MACF1: variants seen among roughly 807,000 people sequenced by gnomAD.
MACF1 encodes the protein microtubule-actin cross-linking factor 1.
In MACF1, 193 loss-of-function variants were observed where a neutral mutation model predicts 854.8. The observed-to-expected ratio is 0.23, with a 90% CI of 0.20 to 0.25. MACF1 has a LOEUF of 0.25. Ranked by LOEUF, MACF1 falls within the 10% of genes least tolerant of loss-of-function variation. The pLI, the probability that MACF1 is intolerant of heterozygous loss-of-function variation, is 1.00. For missense variants in MACF1, 7,722 were observed against 8,929.1 expected (o/e 0.86, Z 5.45); for synonymous variants, 3,185 against 3,226.7 (o/e 0.99, Z 0.44).
intron 55 of MACF1, among the ~76,000 whole-genome samples, chr1:39,380,920 A>T (rs943015981): frequency 6.6e-6 from 1 of 152,182 alleles, no homozygotes; most frequent in African/African-American, 2.4e-5. Context: ...TCCAAAAAAA[A>T]CGTAACAAAA....
chr1:39,288,584 G>C (rs929203954), intron 15 of MACF1, among the ~76,000 whole-genome samples: 2 of 151,948 alleles, frequency 1.3e-5, no homozygotes, highest in Admixed American at 1.3e-4. Flanking sequence ...CGGATTGTGT[G>C]AGTCCAGGAG....
At chr1:39,412,912 A>G (rs778416857) in intron 58 of MACF1, 2 of 1,607,976 alleles carry the variant, frequency 1.2e-6, no homozygotes, top group Non-Finnish European at 8.5e-7. Context: ...ACATGAGGAC[A>G]TCCTAGTTGC....
rs1362049025 is a variant in MACF1, at chr1:39,296,751, A to AAAGAAAGGAAGG, written c.2356-866_2356-865insAAAGGAAGGAAG. Reference sequence around the variant, plus strand: ...AATAAAAAGAAAGAAAGAAAGAAAGAAAGGAAGGAAGGAAGGAAGGAAAAG... The same window carrying AAAGAAAGGAAGG: ...AATAAAAAGAAAGAAAGAAAGAAAGAAAGAAAGGAAGGAAGGAAGGAAGGAAGGAAGGAAAAG... On this transcript the variant is annotated intron_variant, in intron 20 of 100. Transcript: ENST00000564288. 8.0e-4 allele frequency among the ~76,000 whole-genome samples: 75 copies of AAAGAAAGGAAGG among 93,712 alleles called. 1 individual carries two copies. The highest frequency in any genetic ancestry group is 3.3e-3 in the African/African-American group (73 of 22,252). The allele number at this position is 93,712 out of a possible 152,430, so 61.5% of individuals were successfully genotyped here. A position where few individuals can be genotyped will look rare whatever the true frequency, so the allele number is the denominator to read the frequency against.
intron 69 of MACF1, 127 bp downstream of exon 69, chr1:39,434,759 A>G: frequency 1.4e-6 from 1 of 724,114 alleles, no homozygotes; most frequent in East Asian, 2.7e-5. Flanking sequence ...ATCAGTTAGA[A>G]TTCCTTTCAT....
intron 2 of MACF1, among the ~76,000 whole-genome samples, chr1:39,190,401 GTTTTTTT>G: frequency 9.4e-6 from 1 of 105,988 alleles, no homozygotes; most frequent in Non-Finnish European, 1.7e-5. Context: ...GTTTGTTTTT[GTTTTTTT>G]TTTTTTTTTT....
chr1:39,297,537 A>G lies in MACF1; in HGVS notation c.2356-83A>G, dbSNP rs577811792. ...TGTAATCAGCTTTGCTAAGCTCTGC[A>G]CAGTAAAATTGTTCTTTCTTAGTTA... On this transcript the variant is annotated intron_variant, in intron 20 of 100. Transcript: ENST00000564288. 32 of 1,539,270 alleles carry G rather than the reference A, an allele frequency of 2.1e-5. No homozygotes were observed. The South Asian group carries it at 3.5e-4, about 17-fold the overall frequency.
At chr1:39,401,635 A>T (rs1394951424) in intron 58 of MACF1, among the ~76,000 whole-genome samples, 2 of 152,240 alleles carry the variant, frequency 1.3e-5, no homozygotes, top group Non-Finnish European at 2.9e-5. Context: ...ATGTGTATAT[A>T]TGAGTCAAGG....
At position 39,105,409 on chromosome 1, in the gene MACF1, C is replaced by T. The variant is rs1187624419; in HGVS notation, c.220+20971C>T. On this transcript the variant is annotated intron_variant, in intron 2 of 93. Transcript: ENST00000361689. This position sits in a 1 kb window ranked among gnomAD's most constrained non-coding sequence, Gnocchi z 5.9. ...GGGGTGAGGACGCGGAAACGCGAGC[C>T]GGGACCGGCGGAGCGCGAGCGGGCC... 9 of 987,252 alleles carry T rather than the reference C, an allele frequency of 9.1e-6. No homozygotes were observed. Among genetic ancestry groups the T allele is most frequent in the African/African-American group, 1.8e-5 (1 of 57,054 alleles). The allele number at this position is 987,252 out of a possible 1,614,324, so 61.2% of individuals were successfully genotyped here. A position where few individuals can be genotyped will look rare whatever the true frequency, so the allele number is the denominator to read the frequency against.
At chr1:39,324,817 A>G in intron 35 of MACF1, 83 bp downstream of exon 35, 1 of 1,071,776 alleles carries the variant, frequency 9.3e-7, no homozygotes, top group Non-Finnish European at 1.4e-6. Flanking sequence ...GAGATTTCAG[A>G]ATGGAGAATT....
At chr1:39,344,722 G>A (rs1201522297) in intron 40 of MACF1, among the ~76,000 whole-genome samples, 1 of 152,112 alleles carries the variant, frequency 6.6e-6, no homozygotes, top group East Asian at 1.9e-4. Flanking sequence ...CCAGTCGAGC[G>A]TTTTTAGAGG....
chr1:39,173,651 T>TAG (rs1643983877), intron 2 of MACF1, among the ~76,000 whole-genome samples: 1 of 152,190 alleles, frequency 6.6e-6, no homozygotes, highest in Non-Finnish European at 1.5e-5. Flanking sequence ...GTAGAGACTC[T>TAG]GTTATTTCTC....
chr1:39,477,075 A>ATACACACACACATATATACACTTAGTG lies in MACF1; in HGVS notation c.21959-2721_21959-2720insCACACACACATATATACACTTAGTGTA, dbSNP rs1557675013. Among the ~76,000 whole-genome samples the ATACACACACACATATATACACTTAGTG allele has an allele frequency of 4.9e-4, 25 of 51,302 alleles. 1 individual carries two copies. Among genetic ancestry groups the ATACACACACACATATATACACTTAGTG allele is most frequent in the African/African-American group, 1.8e-3 (16 of 9,016 alleles). 33.7% of individuals were successfully genotyped at this position (51,302 alleles called of 152,430 possible). Reference sequence around the variant, plus strand: ...TATATATATATATATATATATATATATATATATATATATATACACACACAC... The same window carrying ATACACACACACATATATACACTTAGTG: ...TATATATATATATATATATATATATATACACACACACATATATACACTTAGTGTATATATATATATATACACACACAC... On this transcript the variant is annotated intron_variant, in intron 97 of 100. Transcript: ENST00000564288.
Position 39,331,738 on chromosome 1 carries a change from G to A in MACF1, c.5150G>A (p.Cys1717Tyr). Residue 1717 changes from cysteine (C) to tyrosine (Y), a missense_variant, in exon 37 of 101, where the codon TGT (cysteine) becomes TAT (tyrosine). This residue lies in a region of MACF1 where 1,531 missense variants were observed against 1,601.6 expected (regional missense o/e 0.96). Transcript: ENST00000564288. ...GGTTTGCTGGATCTGATGCAGCGAT[G>A]TATTGTCCACCAGGAATCAGGATTC... The part of the protein sequence containing the change: ...KIGLLDLMQR[C>Y]IVHQESGFKL... 4.3e-6 allele frequency: 7 copies of A among 1,614,164 alleles called. No individual in the cohort carries two copies. The highest frequency in any genetic ancestry group is 5.9e-6 in the Non-Finnish European group (7 of 1,180,026).
At chr1:39,096,039 C>T (rs1382035526) in intron 2 of MACF1, among the ~76,000 whole-genome samples, 1 of 151,832 alleles carries the variant, frequency 6.6e-6, no homozygotes, top group Non-Finnish European at 1.5e-5. Flanking sequence ...CGTAGTGGCA[C>T]ATACCTGTGG....
At chr1:39,318,281 A>T (rs1395910451) in intron 29 of MACF1, among the ~76,000 whole-genome samples, 172 bp from the exon 30 acceptor site, 1 of 152,188 alleles carries the variant, frequency 6.6e-6, no homozygotes, top group Non-Finnish European at 1.5e-5. Context: ...ACCATAGGGC[A>T]CTGGTACATG....
chr1:39,101,375 T>TAC (rs1491372888), intron 2 of MACF1, among the ~76,000 whole-genome samples: 3 of 31,904 alleles, frequency 9.4e-5, no homozygotes, highest in Admixed American at 3.5e-4. Context: ...AAAAAATATG[T>TAC]ATATATATAT....
intron 6 of MACF1, among the ~76,000 whole-genome samples, chr1:39,264,443 G>T (rs543046125): frequency 6.6e-6 from 1 of 152,246 alleles, no homozygotes; most frequent in Non-Finnish European, 1.5e-5. Context: ...AGGGATTTTT[G>T]TCTCTTGTTC....
chr1:39,448,724 G>A lies in MACF1; in HGVS notation c.20219G>A (p.Arg6740Lys). 1 of 1,613,330 alleles carries A rather than the reference G, an allele frequency of 6.2e-7. No individual in the cohort carries two copies. Among genetic ancestry groups the A allele is most frequent in the Non-Finnish European group, 8.5e-7 (1 of 1,179,552 alleles). The change falls in exon 84 of 101, where the codon AGA becomes AAA. Residue 6740 changes from arginine to lysine, a missense_variant. Physicochemically the swap from Arg to Lys is conservative, Grantham distance 26 (BLOSUM62 2). Transcript: ENST00000564288. ...QKLDNFLGEV[R>K]DKWDTVCGKS... ...CTTGACAATTTCCTAGGAGAAGTCAGAGACAAATGGGATACTGTTTGTGGC... is the reference window on the plus strand; with the variant it reads ...CTTGACAATTTCCTAGGAGAAGTCAAAGACAAATGGGATACTGTTTGTGGC...
At chr1:39,103,144 T>TA (rs1642135624) in intron 2 of MACF1, 1 of 444,286 alleles carries the variant, frequency 2.3e-6, no homozygotes, top group African/African-American at 2.0e-5. Flanking sequence ...GTGTGTTTCT[T>TA]AAAAGGAATC....
Sources: gnomAD v4.1 joint callset for allele counts (sites outside exome capture counted in the v4.1 genomes callset) on GRCh38, gnomAD v4.1.1 for gene constraint, gnomAD v4.1.1 regional missense constraint, Gnocchi (gnomAD v3.1) non-coding constraint, MANE v1.5 for transcripts, NCBI Gene and HGNC (gene_info 2026-07-23, HGNC 2026-07-21) for gene names.